Variants in INPP4B observed in about 807,000 individuals in gnomAD.
The protein encoded by INPP4B is inositol polyphosphate 4-phosphatase type II.
Under a neutral mutation model 122.5 loss-of-function variants are expected in INPP4B, and 55 were observed. That is an observed-to-expected ratio of 0.45 (90% CI 0.36 to 0.56). The LOEUF (loss-of-function observed/expected upper bound fraction) is 0.56, where lower values mean the gene tolerates loss of function less well. Among genes scored for constraint, INPP4B ranks in the 20% least tolerant of loss-of-function variants. INPP4B has a pLI of 0.00. For synonymous variants in INPP4B, 403 were observed against 388.7 expected (o/e 1.04, Z -0.43); for missense variants, 1,000 against 1,097.7 (o/e 0.91, Z 1.26).
chr4:142,782,196 T>C (rs1472589233), intron 1 of INPP4B, among the ~76,000 whole-genome samples: 1 of 151,884 alleles, frequency 6.6e-6, no homozygotes, highest in African/African-American at 2.4e-5. Context: ...TGTGTTCTCA[T>C]TGTTCAATTC....
Position 142,028,631 on chromosome 4 carries a change from T to C in INPP4B, c.*151A>G. ...TTCTTTCAGAGCAATATGCTGATGA[T>C]GAATTGAAGTAGTTCCTAGATTTTG... On this transcript the variant is annotated 3_prime_UTR_variant, in exon 26 of 26. Transcript: ENST00000262992. The C allele has an allele frequency of 1.4e-6, 1 of 699,778 alleles. No homozygotes were observed. Among genetic ancestry groups the C allele is most frequent in the Non-Finnish European group, 2.4e-6 (1 of 424,204 alleles). 43.3% of individuals were successfully genotyped at this position (699,778 alleles called of 1,614,324 possible).
intron 1 of INPP4B, among the ~76,000 whole-genome samples, chr4:142,730,711 C>T (rs1284929885): frequency 6.6e-6 from 1 of 152,142 alleles, no homozygotes; most frequent in Non-Finnish European, 1.5e-5. Context: ...TGTCGTGTCT[C>T]CACAGATATA....
At chr4:142,727,644 G>T (rs1765503990) in intron 1 of INPP4B, among the ~76,000 whole-genome samples, 1 of 152,204 alleles carries the variant, frequency 6.6e-6, no homozygotes, top group Admixed American at 6.5e-5. Context: ...ACTTTGGAAG[G>T]CCAAGGTGGG....
intron 5 of INPP4B, chr4:142,426,800 G>A (rs1467325694): frequency 6.6e-6 from 1 of 151,902 alleles, no homozygotes; most frequent in Non-Finnish European, 1.5e-5. Context: ...TGGTGTGGCT[G>A]TTTTCCTAAT....
intron 2 of INPP4B, among the ~76,000 whole-genome samples, chr4:142,598,852 C>A (rs1284454744): frequency 6.6e-6 from 1 of 152,172 alleles, no homozygotes; most frequent in Non-Finnish European, 1.5e-5. Flanking sequence ...GCAGGCCTAC[C>A]ACTACCGCTG....
chr4:142,295,449 C>T (rs1758287201), intron 9 of INPP4B, among the ~76,000 whole-genome samples: 1 of 152,120 alleles, frequency 6.6e-6, no homozygotes, highest in Admixed American at 6.6e-5. Flanking sequence ...GTGTGTGTTA[C>T]AGAATATGCT....
chr4:142,158,952 C>G (rs539141258), intron 17 of INPP4B, among the ~76,000 whole-genome samples: 1 of 151,948 alleles, frequency 6.6e-6, no homozygotes, highest in Non-Finnish European at 1.5e-5. Context: ...TTTCTGTATA[C>G]ACTCGAACTC....
At chr4:142,120,633 C>T (rs1037985725) in intron 21 of INPP4B, among the ~76,000 whole-genome samples, 6 of 152,078 alleles carry the variant, frequency 3.9e-5, no homozygotes, top group Admixed American at 6.6e-5. Context: ...CAGGACTGTG[C>T]TATTTCCTAC....
At chr4:142,741,347 C>T (rs1459661512) in intron 1 of INPP4B, among the ~76,000 whole-genome samples, 2 of 151,926 alleles carry the variant, frequency 1.3e-5, no homozygotes, top group Non-Finnish European at 2.9e-5. Flanking sequence ...GAGGAGGAGC[C>T]AGCCCCTTTT....
chr4:142,636,452 A>G (rs1265854328), intron 2 of INPP4B, among the ~76,000 whole-genome samples: 1 of 152,194 alleles, frequency 6.6e-6, no homozygotes, highest in African/African-American at 2.4e-5. Context: ...TTCATGAATT[A>G]AAAGTCTCAA....
At chr4:142,469,984 TAGAC>T (rs1818520218) in intron 2 of INPP4B, among the ~76,000 whole-genome samples, 1 of 152,052 alleles carries the variant, frequency 6.6e-6, no homozygotes, top group Non-Finnish European at 1.5e-5. Flanking sequence ...TATGTTCCAT[TAGAC>T]AGGGATATAA....
intron 21 of INPP4B, among the ~76,000 whole-genome samples, chr4:142,119,356 T>C (rs1239704004): frequency 6.6e-6 from 1 of 152,188 alleles, no homozygotes; most frequent in Non-Finnish European, 1.5e-5. Context: ...TGTACGTTTG[T>C]TGCGGCACTA....
At chr4:142,150,365 C>T (rs956220549) in intron 17 of INPP4B, among the ~76,000 whole-genome samples, 4 of 152,170 alleles carry the variant, frequency 2.6e-5, no homozygotes, top group African/African-American at 9.7e-5. Context: ...ACAACCACTA[C>T]CACCTATCAG....
Position 142,481,905 on chromosome 4 carries a change from C to T in INPP4B, c.-190-19179G>A, listed in dbSNP as rs185178088. ...TTCTATGTAATTTGAGTTTACATAG[C>T]CATAAGTGGCTGGTGGCTAATTTAT... is the stretch of plus-strand genomic sequence containing the variant. On this transcript the variant is annotated intron_variant, in intron 2 of 25. Transcript: ENST00000262992. Among the ~76,000 whole-genome samples, 53 of 152,234 alleles carry T rather than the reference C, an allele frequency of 3.5e-4. No individual in the cohort carries two copies. In the East Asian group the frequency reaches 3.9e-3, roughly 11 times the overall value.
intron 7 of INPP4B, among the ~76,000 whole-genome samples, chr4:142,398,401 AATATATAT>A (rs1206023677): frequency 0.049 from 1,371 of 28,152 alleles, 40 homozygotes; most frequent in Middle Eastern, 0.059. Flanking sequence ...AAAAAAAAAA[AATATATAT>A]ATATATATAT....
rs111834271 is a variant in INPP4B at position 142,551,586 on chromosome 4, A to C, written c.-190-88860T>G. ...CCTCAAACTTATTATAATTTGTGAT[A>C]TACACAAAGGTCTCGTGTGAGTGTT... is the stretch of plus-strand genomic sequence containing the variant. On this transcript the variant is annotated intron_variant, in intron 2 of 25. Transcript: ENST00000262992. 9.5e-4 allele frequency among the ~76,000 whole-genome samples: 145 copies of C among 152,334 alleles called. 2 individuals are homozygous for C. Among genetic ancestry groups the C allele is most frequent in the African/African-American group, 3.3e-3 (136 of 41,574 alleles).
chr4:142,786,876 C>T (rs899475929), intron 1 of INPP4B, among the ~76,000 whole-genome samples: 1 of 151,958 alleles, frequency 6.6e-6, no homozygotes, highest in Non-Finnish European at 1.5e-5. Flanking sequence ...GAGGGGGAAA[C>T]TGTCACAATC....
intron 2 of INPP4B, among the ~76,000 whole-genome samples, chr4:142,666,105 A>T (rs1345419019): frequency 2.0e-5 from 3 of 152,174 alleles, no homozygotes; most frequent in Non-Finnish European, 4.4e-5. Flanking sequence ...ATCACAAAAA[A>T]GGGGGACTAC....
chr4:142,300,801 T>A (rs1028288646), intron 9 of INPP4B, among the ~76,000 whole-genome samples: 2 of 152,184 alleles, frequency 1.3e-5, no homozygotes, highest in African/African-American at 2.4e-5. Context: ...TTTTATGTTA[T>A]TTGTTCCATA....
Sources: gnomAD v4.1 joint callset for allele counts (sites outside exome capture counted in the v4.1 genomes callset) on GRCh38, gnomAD v4.1.1 for gene constraint, MANE v1.5 for transcripts, NCBI Gene and HGNC (gene_info 2026-07-23, HGNC 2026-07-21) for gene names.